CDH18: variants seen among roughly 807,000 people sequenced by gnomAD.
CDH18 encodes cadherin 18.
CDH18 carries 31 observed loss-of-function variants against 67.9 expected under a neutral mutation model. That is an observed-to-expected ratio of 0.46 (90% CI 0.34 to 0.62). CDH18 has a LOEUF of 0.62. Ranked by LOEUF, CDH18 falls within the 20% of genes least tolerant of loss-of-function variation. CDH18 has a pLI of 0.01. For missense variants in CDH18, 890 were observed against 975.5 expected, an observed-to-expected ratio of 0.91 and a Z score of 1.17; for synonymous variants, 362 against 347.2, an observed-to-expected ratio of 1.04 and a Z score of -0.48.
intron 1 of CDH18, among the ~76,000 whole-genome samples, chr5:20,506,793 A>T (rs1213334348): frequency 6.6e-6 from 1 of 152,094 alleles, no homozygotes; most frequent in Non-Finnish European, 1.5e-5. Context: ...GTTGTTTGTC[A>T]TTTTTTCTAC....
intron 1 of CDH18, among the ~76,000 whole-genome samples, chr5:20,363,866 A>C (rs1742303597): frequency 6.6e-6 from 1 of 152,106 alleles, no homozygotes; most frequent in Non-Finnish European, 1.5e-5. Flanking sequence ...GCTGAACCCT[A>C]ATTTAAATAA....
intron 2 of CDH18, among the ~76,000 whole-genome samples, chr5:19,896,572 C>T (rs1212688654): frequency 6.6e-6 from 1 of 152,070 alleles, no homozygotes; most frequent in Non-Finnish European, 1.5e-5. Flanking sequence ...GCCTCCAAAG[C>T]GAGCACAGCC....
At chr5:20,334,392 C>T (rs1045121359) in intron 1 of CDH18, among the ~76,000 whole-genome samples, 3 of 151,864 alleles carry the variant, frequency 2.0e-5, no homozygotes, top group African/African-American at 7.3e-5. Flanking sequence ...CCGCCTCGGC[C>T]TCCCAAAGTG....
At chr5:20,237,160 G>C (rs1046788922) in intron 2 of CDH18, among the ~76,000 whole-genome samples, 1 of 151,824 alleles carries the variant, frequency 6.6e-6, no homozygotes, top group Non-Finnish European at 1.5e-5. Flanking sequence ...ATTAGAAATA[G>C]AAGAGAACTA....
chr5:19,739,772 T>G (rs1768857242), intron 4 of CDH18, among the ~76,000 whole-genome samples: 1 of 152,180 alleles, frequency 6.6e-6, no homozygotes, highest in African/African-American at 2.4e-5. Flanking sequence ...ATGATACCAT[T>G]CTGAACATTA....
chr5:19,483,018 C>T (rs1048775492), intron 12 of CDH18, among the ~76,000 whole-genome samples: 1 of 151,970 alleles, frequency 6.6e-6, no homozygotes, highest in South Asian at 2.1e-4. Flanking sequence ...AGCTCTTTCA[C>T]GGTGGGATTC....
intron 5 of CDH18, among the ~76,000 whole-genome samples, chr5:19,695,635 A>T (rs915660009): frequency 6.6e-6 from 1 of 152,164 alleles, no homozygotes; most frequent in Non-Finnish European, 1.5e-5. Context: ...AGTTTTCTAC[A>T]TTGCAATCAG....
At chr5:19,747,914 C>G (rs144128866) in intron 3 of CDH18, among the ~76,000 whole-genome samples, 10 of 150,886 alleles carry the variant, frequency 6.6e-5, no homozygotes, top group Non-Finnish European at 1.0e-4. Context: ...CGAGACCATC[C>G]TGGCTAACAC....
chr5:20,538,006 T>C (rs1703052), intron 1 of CDH18, among the ~76,000 whole-genome samples: 134,613 of 152,126 alleles, frequency 0.88, 59,915 homozygotes, highest in East Asian at 1. Context: ...TTTTAGAGAG[T>C]TAAATTTGCA....
chr5:19,852,420 T>A (rs1356273841), intron 2 of CDH18, among the ~76,000 whole-genome samples: 1 of 152,008 alleles, frequency 6.6e-6, no homozygotes, highest in Non-Finnish European at 1.5e-5. Flanking sequence ...ACAGTAACCG[T>A]TCTCATTGTT....
At chr5:20,259,706 T>C (rs1021928731) in intron 1 of CDH18, among the ~76,000 whole-genome samples, 2 of 152,290 alleles carry the variant, frequency 1.3e-5, no homozygotes, top group Admixed American at 1.3e-4. Flanking sequence ...AGTTAAGTTT[T>C]GAGAAGTCAA....
chr5:20,298,382 T>TAA (rs1747705008), intron 1 of CDH18, among the ~76,000 whole-genome samples: 1 of 152,180 alleles, frequency 6.6e-6, no homozygotes, highest in Non-Finnish European at 1.5e-5. Context: ...TGACTGCTAC[T>TAA]AAAATCGAGA....
chr5:19,932,032 A>AT (rs1048775931), intron 2 of CDH18, among the ~76,000 whole-genome samples: 3 of 151,816 alleles, frequency 2.0e-5, no homozygotes, highest in Non-Finnish European at 4.4e-5. Flanking sequence ...ACTAAAGTAC[A>AT]TTTTTTATAA....
At chr5:20,407,721 AATT>A (rs1247448935) in intron 1 of CDH18, among the ~76,000 whole-genome samples, 12 of 101,544 alleles carry the variant, frequency 1.2e-4, no homozygotes, top group African/African-American at 2.4e-4. Flanking sequence ...AAAAAAAAAT[AATT>A]TTTTTTTTTA....
At chr5:19,707,276 T>C (rs1277249824) in intron 5 of CDH18, among the ~76,000 whole-genome samples, 1 of 152,158 alleles carries the variant, frequency 6.6e-6, no homozygotes, top group East Asian at 1.9e-4. Context: ...ATCAAGAAGC[T>C]GTCGCAGATG....
rs552890564 is a variant in CDH18 at position 19,662,734 on chromosome 5, A to G, written c.644-50133T>C. Among the ~76,000 whole-genome samples, 9 of 152,096 alleles carry G rather than the reference A, an allele frequency of 5.9e-5. No homozygotes were observed. The South Asian group carries it at 1.4e-3, about 24-fold the overall frequency. ...AGCTTTTCTTTTACTCATGACTTGTATAGTGTGTGAAATTAAGGCAAAAAT... is the reference window on the plus strand; with the variant it reads ...AGCTTTTCTTTTACTCATGACTTGTGTAGTGTGTGAAATTAAGGCAAAAAT... On this transcript the variant is annotated intron_variant, in intron 5 of 12. Coordinates refer to ENST00000382275, the MANE Select transcript of CDH18 (RefSeq NM_004934.5).
chr5:19,739,762 A>C (rs2150689448), intron 4 of CDH18, among the ~76,000 whole-genome samples: 1 of 152,354 alleles, frequency 6.6e-6, no homozygotes, highest in East Asian at 1.9e-4. Flanking sequence ...CTTTATTAAA[A>C]TGATACCATT....
At chr5:20,521,822 C>A (rs1416474322) in intron 1 of CDH18, among the ~76,000 whole-genome samples, 2 of 151,900 alleles carry the variant, frequency 1.3e-5, no homozygotes, top group Non-Finnish European at 2.9e-5. Context: ...CACACACACA[C>A]ACGTGCATAC....
intron 12 of CDH18, 37 bp downstream of exon 12, chr5:19,483,264 T>C (rs759979503): frequency 6.3e-6 from 10 of 1,576,078 alleles, no homozygotes; most frequent in Admixed American, 1.8e-5. Flanking sequence ...TCATTCAGAA[T>C]TGCCATCATG....
Sources: gnomAD v4.1 joint callset for allele counts (sites outside exome capture counted in the v4.1 genomes callset) on GRCh38, gnomAD v4.1.1 for gene constraint, MANE v1.5 for transcripts, NCBI Gene and HGNC (gene_info 2026-07-23, HGNC 2026-07-21) for gene names.